The following LOC400499 variants were observed in gnomAD, a reference collection of about 807,000 sequenced individuals.
At chr16:11,411,365 A>G in the LOC400499 span, 1 of 399,072 alleles carries the variant, frequency 2.5e-6, no homozygotes, top group Non-Finnish European at 4.4e-6. Context: ...AGCTGGCAAG[A>G]CAGCACCTTG....
chr16:11,374,327 G>T, the LOC400499 span, among the ~76,000 whole-genome samples: 1 of 152,150 alleles, frequency 6.6e-6, no homozygotes, highest in East Asian at 1.9e-4. Flanking sequence ...CATTTCTAGT[G>T]TAAAAAATTT....
At chr16:11,438,421 C>T in the LOC400499 span, among the ~76,000 whole-genome samples, 2 of 151,982 alleles carry the variant, frequency 1.3e-5, no homozygotes, top group Admixed American at 6.6e-5. Context: ...CATTCTCGGG[C>T]TCCATTCAAG....
the LOC400499 span, among the ~76,000 whole-genome samples, chr16:11,479,871 G>A: frequency 3.3e-5 from 5 of 152,056 alleles, no homozygotes; most frequent in Non-Finnish European, 2.9e-5. Flanking sequence ...ACTGCGTCTC[G>A]TTGCTGTATC....
At chr16:11,450,676 C>T in the LOC400499 span, 6 of 1,536,052 alleles carry the variant, frequency 3.9e-6, no homozygotes, top group Non-Finnish European at 5.2e-6. Context: ...CTGACTCCTG[C>T]AGCCCACGCT....
At chr16:11,477,695 T>C in the LOC400499 span, 18 of 395,504 alleles carry the variant, frequency 4.6e-5, no homozygotes, top group African/African-American at 3.5e-4. Flanking sequence ...CACAGTCTCT[T>C]GGCACAGGTG....
chr16:11,417,787 A>T, the LOC400499 span: 2 of 398,852 alleles, frequency 5.0e-6, no homozygotes, highest in Non-Finnish European at 8.8e-6. Flanking sequence ...CCCCATCAGG[A>T]TGCGTCCAGA....
the LOC400499 span, among the ~76,000 whole-genome samples, chr16:11,444,021 A>T: frequency 3.3e-5 from 5 of 151,358 alleles, no homozygotes; most frequent in Non-Finnish European, 7.4e-5. Context: ...TTTTTTTTTT[A>T]GTAGAGATGG....
chr16:11,488,673 C>G, the LOC400499 span: 1 of 398,696 alleles, frequency 2.5e-6, no homozygotes, highest in East Asian at 3.6e-5. Context: ...CTTTGTGGTT[C>G]CAGAGCAGGA....
chr16:11,502,917 C>CTTTT, the LOC400499 span, among the ~76,000 whole-genome samples: 45 of 98,018 alleles, frequency 4.6e-4, 13 homozygotes, highest in Middle Eastern at 0.014. Context: ...CCTGGACCAC[C>CTTTT]TTTTTTTTTT....
chr16:11,421,495 G>A, the LOC400499 span, among the ~76,000 whole-genome samples: 1 of 151,936 alleles, frequency 6.6e-6, no homozygotes, highest in East Asian at 1.9e-4. Context: ...TCCGCCTCCT[G>A]GGTTCAAACG....
chr16:11,513,100 C>T, the LOC400499 span, among the ~76,000 whole-genome samples: 13 of 152,102 alleles, frequency 8.5e-5, no homozygotes, highest in East Asian at 1.9e-4. Context: ...GTCACTTATA[C>T]GAAAAATTTA....
the LOC400499 span, chr16:11,493,596 C>A: frequency 2.7e-3 from 1,070 of 395,582 alleles, 15 homozygotes; most frequent in African/African-American, 0.02. Flanking sequence ...GGTTCGAGAC[C>A]CACCACCACC....
the LOC400499 span, chr16:11,460,448 C>T: frequency 6.4e-5 from 96 of 1,506,020 alleles, 2 homozygotes; most frequent in East Asian, 2.0e-3. Flanking sequence ...GTGCTCTCTC[C>T]GGATGTCGCA....
chr16:11,410,571 T>C, the LOC400499 span, among the ~76,000 whole-genome samples: 2 of 152,220 alleles, frequency 1.3e-5, no homozygotes, highest in African/African-American at 4.8e-5. Context: ...ACCCAGCACA[T>C]AGCGCATGCT....
At chr16:11,490,860 T>C in the LOC400499 span, among the ~76,000 whole-genome samples, 1 of 152,180 alleles carries the variant, frequency 6.6e-6, no homozygotes, top group Admixed American at 6.6e-5. Context: ...CTTCAGGACA[T>C]AGGAAAATAC....
chr16:11,449,963 C>T, the LOC400499 span, among the ~76,000 whole-genome samples: 3 of 152,246 alleles, frequency 2.0e-5, no homozygotes, highest in Non-Finnish European at 4.4e-5. Flanking sequence ...GCCGACCACA[C>T]CTTGCTCTCC....
the LOC400499 span, among the ~76,000 whole-genome samples, chr16:11,459,026 G>T: frequency 6.6e-6 from 1 of 150,790 alleles, no homozygotes; most frequent in Non-Finnish European, 1.5e-5. Flanking sequence ...GACAGAGCGA[G>T]ACTCCATCTC....
At chr16:11,439,336 G>C in the LOC400499 span, among the ~76,000 whole-genome samples, 1 of 152,076 alleles carries the variant, frequency 6.6e-6, no homozygotes, top group Admixed American at 6.5e-5. Flanking sequence ...GATTCTACAG[G>C]GCTGTTTGGC....
At chr16:11,512,299 A>AAAT in the LOC400499 span, among the ~76,000 whole-genome samples, 1 of 150,680 alleles carries the variant, frequency 6.6e-6, no homozygotes, top group East Asian at 1.9e-4. Context: ...TAAATAAATA[A>AAAT]AATAATAATA....
Sources: allele counts gnomAD v4.1 joint callset (sites outside exome capture counted in the v4.1 genomes callset), GRCh38; gene constraint gnomAD v4.1.1; transcripts MANE v1.5.